The following SLIT3 variants were observed in gnomAD, a reference collection of about 807,000 sequenced individuals.
SLIT3 encodes the protein slit guidance ligand 3, also known as slit homolog 3 protein.
SLIT3 carries 68 observed loss-of-function variants against 184.0 expected under a neutral mutation model. That is an observed-to-expected ratio of 0.37 (90% CI 0.30 to 0.45). SLIT3 has a LOEUF of 0.45. Among genes scored for constraint, SLIT3 ranks in the 20% least tolerant of loss-of-function variants. The pLI is 1.00. For synonymous variants in SLIT3, 831 were observed against 828.6 expected, an observed-to-expected ratio of 1.00 and a Z score of -0.05; for missense variants, 1,707 against 2,026.0, an observed-to-expected ratio of 0.84 and a Z score of 3.02.
intron 4 of SLIT3, among the ~76,000 whole-genome samples, chr5:169,029,105 A>T (rs903413239): frequency 1.3e-5 from 2 of 152,190 alleles, no homozygotes; most frequent in African/African-American, 2.4e-5. Context: ...CCAGTTGCAA[A>T]TTCTTCTGCA....
At chr5:168,863,768 T>A (rs1052925466) in intron 5 of SLIT3, among the ~76,000 whole-genome samples, 74 of 152,278 alleles carry the variant, frequency 4.9e-4, no homozygotes, top group African/African-American at 1.7e-3. Context: ...TACACAAATA[T>A]ATGCACATGA....
chr5:168,829,853 C>T (rs556180674), intron 6 of SLIT3, among the ~76,000 whole-genome samples: 8 of 152,306 alleles, frequency 5.3e-5, no homozygotes, highest in Admixed American at 1.3e-4. Flanking sequence ...TGGCAGTGTG[C>T]GGACCTCAAG....
chr5:169,197,561 T>C (rs1007348978), intron 3 of SLIT3, among the ~76,000 whole-genome samples: 1 of 152,180 alleles, frequency 6.6e-6, no homozygotes, highest in African/African-American at 2.4e-5. Context: ...GGTACACTCA[T>C]GCCATCTGCT....
At chr5:168,815,526 A>C (rs1458759003) in intron 8 of SLIT3, among the ~76,000 whole-genome samples, 5 of 152,160 alleles carry the variant, frequency 3.3e-5, no homozygotes, top group Non-Finnish European at 7.3e-5. Context: ...AATTACTGTA[A>C]TTATAGTCAC....
intron 16 of SLIT3, among the ~76,000 whole-genome samples, chr5:168,759,975 C>T (rs1011510741): frequency 3.9e-5 from 6 of 152,130 alleles, no homozygotes; most frequent in East Asian, 1.9e-4. Flanking sequence ...TGGGGGACCC[C>T]GCACGGAAGA....
intron 4 of SLIT3, among the ~76,000 whole-genome samples, chr5:169,134,787 C>T (rs1316995968): frequency 1.3e-5 from 2 of 152,162 alleles, no homozygotes; most frequent in Non-Finnish European, 2.9e-5. Flanking sequence ...CCCTTCATGC[C>T]CCAGCTGGTC....
At chr5:169,244,672 ATACTT>A (rs758124771) in intron 3 of SLIT3, 28 bp downstream of exon 3, 2 of 1,581,398 alleles carry the variant, frequency 1.3e-6, no homozygotes, top group Non-Finnish European at 1.7e-6. Context: ...ATGTAAATAA[ATACTT>A]TAAGAAAGGA....
intron 6 of SLIT3, among the ~76,000 whole-genome samples, chr5:168,834,829 T>G (rs1581129235): frequency 6.6e-6 from 1 of 151,234 alleles, no homozygotes; most frequent in East Asian, 2.0e-4. Context: ...CTGGAGAGAT[T>G]TGGAGCAGGA....
At chr5:169,183,602 A>G (rs967534214) in intron 4 of SLIT3, among the ~76,000 whole-genome samples, 9 of 152,200 alleles carry the variant, frequency 5.9e-5, no homozygotes, top group African/African-American at 1.7e-4. Context: ...TGACACAAAC[A>G]TCTTCAGAAA....
At chr5:169,166,495 C>A (rs1231422257) in intron 4 of SLIT3, among the ~76,000 whole-genome samples, 2 of 152,050 alleles carry the variant, frequency 1.3e-5, no homozygotes, top group Non-Finnish European at 2.9e-5. Flanking sequence ...AGTGAGACCT[C>A]ATTATAATGC....
chr5:168,932,826 G>A (rs903047942), intron 4 of SLIT3, among the ~76,000 whole-genome samples: 2 of 152,356 alleles, frequency 1.3e-5, no homozygotes, highest in East Asian at 1.9e-4. Context: ...CCTAGGCTAC[G>A]ATTTGAGTAT....
chr5:169,247,215 CAAAAA>C (rs34569490), intron 2 of SLIT3, among the ~76,000 whole-genome samples: 1 of 124,208 alleles, frequency 8.1e-6, no homozygotes, highest in Non-Finnish European at 1.8e-5. Flanking sequence ...GACTCTGTCT[CAAAAA>C]AAAAAAAAAA....
At chr5:169,033,791 G>C (rs1353437703) in intron 4 of SLIT3, among the ~76,000 whole-genome samples, 1 of 147,918 alleles carries the variant, frequency 6.8e-6, no homozygotes, top group African/African-American at 2.5e-5. Flanking sequence ...GGGTTATGTG[G>C]TTTTTCCACT....
At chr5:168,804,847 C>T (rs1402466593) in intron 9 of SLIT3, among the ~76,000 whole-genome samples, 4 of 152,172 alleles carry the variant, frequency 2.6e-5, no homozygotes, top group South Asian at 2.1e-4. Context: ...TCCCAGGATG[C>T]GGCCCCTCCT....
At chr5:168,922,186 G>C (rs570816595) in intron 4 of SLIT3, among the ~76,000 whole-genome samples, 2 of 151,870 alleles carry the variant, frequency 1.3e-5, no homozygotes, top group African/African-American at 4.8e-5. Context: ...GGCCAGGTGC[G>C]GTGGCTCACA....
chr5:168,806,796 T>C (rs1756980140), intron 8 of SLIT3, among the ~76,000 whole-genome samples: 1 of 152,166 alleles, frequency 6.6e-6, no homozygotes, highest in Admixed American at 6.5e-5. Flanking sequence ...GACCTCACTG[T>C]TTGAGTTGCT....
At chr5:169,021,845 C>A (rs998612570) in intron 4 of SLIT3, among the ~76,000 whole-genome samples, 1 of 152,198 alleles carries the variant, frequency 6.6e-6, no homozygotes, top group East Asian at 1.9e-4. Context: ...CTCACCATGG[C>A]AGCCTCTATC....
chr5:169,018,147 G>A (rs1756465221), intron 4 of SLIT3, among the ~76,000 whole-genome samples: 1 of 152,142 alleles, frequency 6.6e-6, no homozygotes, highest in Admixed American at 6.6e-5. Flanking sequence ...AAGTTCTCAG[G>A]CCCCACCCCA....
chr5:168,739,253 G>T (rs1168406957), intron 20 of SLIT3, among the ~76,000 whole-genome samples: 1 of 152,068 alleles, frequency 6.6e-6, no homozygotes, highest in Non-Finnish European at 1.5e-5. Flanking sequence ...AAGACAGATC[G>T]GTAGAGTTAT....
Sources: gnomAD v4.1 joint callset for allele counts (sites outside exome capture counted in the v4.1 genomes callset) on GRCh38, gnomAD v4.1.1 for gene constraint, MANE v1.5 for transcripts, NCBI Gene and HGNC (gene_info 2026-07-23, HGNC 2026-07-21) for gene names.